The following SORBS2 variants were observed in gnomAD, a reference collection of about 807,000 sequenced individuals.
The protein encoded by SORBS2 is sorbin and SH3 domain-containing protein 2.
A neutral mutation model predicts 97.7 loss-of-function variants in SORBS2; 46 were observed. That is an observed-to-expected ratio of 0.47 (90% confidence interval 0.37 to 0.60). The LOEUF (loss-of-function observed/expected upper bound fraction) is 0.60. Among genes scored for constraint, SORBS2 ranks in the 20% least tolerant of loss-of-function variants. The probability of loss-of-function intolerance (pLI) is 0.00; values close to 1 mark genes in which losing one functional copy is unlikely to be tolerated. For synonymous variants in SORBS2, 476 were observed against 473.4 expected (o/e 1.01, Z -0.07); for missense variants, 1,316 against 1,282.3 (o/e 1.03, Z -0.40).
intron 1 of SORBS2, among the ~76,000 whole-genome samples, chr4:185,815,344 T>A (rs1299227182): frequency 6.6e-6 from 1 of 152,040 alleles, no homozygotes; most frequent in Non-Finnish European, 1.5e-5. Flanking sequence ...AAGGTATTTT[T>A]TATATATATT....
At chr4:185,835,849 G>T (rs1221525064) in intron 1 of SORBS2, among the ~76,000 whole-genome samples, 1 of 151,788 alleles carries the variant, frequency 6.6e-6, no homozygotes, top group South Asian at 2.1e-4. Context: ...GGCTCAACCC[G>T]GCCTGTTTCC....
rs2097921481 is a variant in SORBS2 at position 185,684,695 on chromosome 4, CA to C, written c.-197-5874del. The C allele has an allele frequency of 8.4e-7, 1 of 1,188,374 alleles. No homozygotes were observed. The highest frequency in any genetic ancestry group is 1.4e-5 in the South Asian group (1 of 72,856). The allele number at this position is 1,188,374 out of a possible 1,614,324, so 73.6% of individuals were successfully genotyped here. ...TTGCTTTTTACGTTTAGAACAAAAACAGTCAGAAGAGCTAGAAGCCATTCAA... is the reference window on the plus strand; with the variant it reads ...TTGCTTTTTACGTTTAGAACAAAAACGTCAGAAGAGCTAGAAGCCATTCAA... On this transcript the variant is annotated intron_variant, in intron 2 of 20. Transcript: ENST00000284776. The surrounding 1 kb of genome is among the most constrained non-coding windows in gnomAD (Gnocchi z 4.2).
At chr4:185,858,007 G>A (rs753321570) in intron 1 of SORBS2, among the ~76,000 whole-genome samples, 5 of 152,056 alleles carry the variant, frequency 3.3e-5, no homozygotes, top group Non-Finnish European at 5.9e-5. Context: ...TGTGATCTCT[G>A]TGACCTACTC....
intron 1 of SORBS2, among the ~76,000 whole-genome samples, chr4:185,808,067 T>C (rs965828940): frequency 6.6e-6 from 1 of 152,304 alleles, no homozygotes. Flanking sequence ...GTCTTTAAGA[T>C]GAATAGAACC....
chr4:185,891,426 T>A (rs533156668), intron 1 of SORBS2, among the ~76,000 whole-genome samples: 1 of 152,322 alleles, frequency 6.6e-6, no homozygotes, highest in South Asian at 2.1e-4. Flanking sequence ...ATGAGGGACC[T>A]GAATTATGTT....
chr4:185,673,078 A>C (rs889052909), intron 4 of SORBS2, among the ~76,000 whole-genome samples: 28 of 152,236 alleles, frequency 1.8e-4, no homozygotes, highest in Non-Finnish European at 1.5e-5. Flanking sequence ...AACATGGAGC[A>C]ATCTGGAGGA....
intron 2 of SORBS2, among the ~76,000 whole-genome samples, chr4:185,731,001 C>T (rs1019183606): frequency 2.0e-5 from 3 of 152,182 alleles, no homozygotes; most frequent in African/African-American, 7.2e-5. Flanking sequence ...GAATGCTGTT[C>T]TCGGGGAACA....
At chr4:185,664,336 T>TTG (rs2153477478) in intron 4 of SORBS2, among the ~76,000 whole-genome samples, 1 of 152,338 alleles carries the variant, frequency 6.6e-6, no homozygotes, top group Non-Finnish European at 1.5e-5. Context: ...GTAGCTCTGC[T>TTG]CGTGCCCACA....
intron 1 of SORBS2, among the ~76,000 whole-genome samples, chr4:185,795,750 T>C (rs531160947): frequency 5.3e-5 from 8 of 152,322 alleles, no homozygotes; most frequent in African/African-American, 1.9e-4. Flanking sequence ...TATATTTCTA[T>C]TGGTCTAGAC....
At chr4:185,638,155 C>T (rs867997264) in intron 4 of SORBS2, 10 of 1,602,072 alleles carry the variant, frequency 6.2e-6, no homozygotes, top group Non-Finnish European at 8.5e-6. Context: ...TGGATTTATG[C>T]GATCAGTCTA....
chr4:185,640,385 T>C (rs1473878876), intron 4 of SORBS2, among the ~76,000 whole-genome samples: 1 of 152,208 alleles, frequency 6.6e-6, no homozygotes, highest in Non-Finnish European at 1.5e-5. Context: ...GACTGTTTGT[T>C]TTTTCTTTCT....
At chr4:185,868,866 T>C (rs1561251671) in intron 1 of SORBS2, among the ~76,000 whole-genome samples, 1 of 152,242 alleles carries the variant, frequency 6.6e-6, no homozygotes. Flanking sequence ...ATAAATCACA[T>C]GTTCGTTAAG....
rs148884704 is a variant in SORBS2, at chr4:185,935,704, A to G, written c.-338+20492T>C. Among the ~76,000 whole-genome samples the G allele has an allele frequency of 7.8e-3, 1,187 of 152,208 alleles. 16 individuals are homozygous for G. Among genetic ancestry groups the G allele is most frequent in the African/African-American group, 0.027 (1,130 of 41,518 alleles). On this transcript the variant is annotated intron_variant, in intron 1 of 20. Transcript: ENST00000284776. ...CCTAGAACGGTGGGCTGTTTTTGAG[A>G]TATGTATATGGGTGGAAAACATGAT... is the stretch of plus-strand genomic sequence containing the variant.
At chr4:185,830,285 A>G (rs1192841121) in intron 1 of SORBS2, among the ~76,000 whole-genome samples, 2 of 152,208 alleles carry the variant, frequency 1.3e-5, no homozygotes, top group African/African-American at 4.8e-5. Flanking sequence ...TTGGAGAATG[A>G]GCCACTAAGC....
chr4:185,789,266 T>C (rs1182192954), intron 1 of SORBS2, among the ~76,000 whole-genome samples: 1 of 152,186 alleles, frequency 6.6e-6, no homozygotes, highest in African/African-American at 2.4e-5. Flanking sequence ...GATATTTCCA[T>C]TTTCCATGAG....
At chr4:185,938,923 T>G (rs919100188) in intron 1 of SORBS2, among the ~76,000 whole-genome samples, 1 of 152,200 alleles carries the variant, frequency 6.6e-6, no homozygotes, top group Admixed American at 6.5e-5. Context: ...AGAAAAAGGA[T>G]GCAAATGTGC....
At chr4:185,731,687 T>C (rs1583609696) in intron 2 of SORBS2, among the ~76,000 whole-genome samples, 1 of 72,666 alleles carries the variant, frequency 1.4e-5, no homozygotes, top group African/African-American at 5.4e-5. Context: ...TCCCTGCCTC[T>C]CTCCCTCCCT....
rs745838242 is a variant in SORBS2, at chr4:185,612,055, A to G, written c.2596-75T>C. On this transcript the variant is annotated intron_variant, in intron 11 of 14. Transcript: ENST00000418609. ...GAAAATATAATTGTCAATGTTTTCTATGAAAAAATAGGTTTCCATTTGGGC... is the reference window on the plus strand; with the variant it reads ...GAAAATATAATTGTCAATGTTTTCTGTGAAAAAATAGGTTTCCATTTGGGC... 1.1e-5 allele frequency: 12 copies of G among 1,138,494 alleles called. No homozygotes were observed. In the South Asian group the frequency reaches 1.5e-4, roughly 14 times the overall value. The allele number at this position is 1,138,494 out of a possible 1,614,324, so 70.5% of individuals were successfully genotyped here. A position where few individuals can be genotyped will look rare whatever the true frequency, so the allele number is the denominator to read the frequency against.
At chr4:185,641,407 CTT>C (rs923343039) in intron 4 of SORBS2, among the ~76,000 whole-genome samples, 5 of 152,130 alleles carry the variant, frequency 3.3e-5, no homozygotes, top group Non-Finnish European at 5.9e-5. Context: ...AGAATTTTCT[CTT>C]TGCTGTGGTT....
Sources: allele counts gnomAD v4.1 joint callset (sites outside exome capture counted in the v4.1 genomes callset), GRCh38; gene constraint gnomAD v4.1.1; non-coding constraint Gnocchi (gnomAD v3.1); transcripts MANE v1.5; gene names NCBI Gene and HGNC (gene_info 2026-07-23, HGNC 2026-07-21).